The following CYP11A1 variants were observed in gnomAD, a reference collection of about 807,000 sequenced individuals.
The protein encoded by CYP11A1 is cholesterol side-chain cleavage enzyme, mitochondrial.
In CYP11A1, 25 loss-of-function variants were observed where a neutral mutation model predicts 51.9. That is an observed-to-expected ratio of 0.48 (90% CI 0.35 to 0.67). CYP11A1 has a LOEUF of 0.67. CYP11A1 is among the 30% of genes least tolerant of loss of function. CYP11A1 has a pLI of 0.00. For missense variants in CYP11A1, 578 were observed against 680.9 expected (o/e 0.85, Z 1.68); for synonymous variants, 245 against 262.1 (o/e 0.93, Z 0.63).
chr15:74,342,907 G>A lies in CYP11A1; in HGVS notation c.990+70C>T, dbSNP rs4640133. 107 of 1,523,356 alleles carry A rather than the reference G, an allele frequency of 7.0e-5. 1 individual carries two copies. In the South Asian group the frequency reaches 8.1e-4, roughly 11 times the overall value. The allele number at this position is 1,523,356 out of a possible 1,614,324, so 94.4% of individuals were successfully genotyped here. On this transcript the variant is annotated intron_variant, in intron 5 of 8. Coordinates refer to ENST00000268053, the MANE Select transcript of CYP11A1 (RefSeq NM_000781.3). ...CTTGAACAACAGGGTTTCAGACAACGAGGGGCCTGGTGGGGAAGGGGCACG... is the reference window on the plus strand; with the variant it reads ...CTTGAACAACAGGGTTTCAGACAACAAGGGGCCTGGTGGGGAAGGGGCACG...
intron 1 of CYP11A1, 143 bp downstream of exon 1, chr15:74,367,174 T>C (rs1459272368): frequency 1.5e-5 from 12 of 781,810 alleles, no homozygotes. Context: ...CTGTATTGTA[T>C]TACCAAAAAA....
chr15:74,339,869 C>T, intron 5 of CYP11A1, 116 bp from the exon 6 acceptor site: 1 of 979,442 alleles, frequency 1.0e-6, no homozygotes, highest in Non-Finnish European at 1.6e-6. Flanking sequence ...CCCCGAACCC[C>T]ATCCCAGTCT....
intron 5 of CYP11A1, among the ~76,000 whole-genome samples, chr15:74,342,544 C>T (rs539900452): frequency 1.2e-3 from 181 of 152,246 alleles, no homozygotes; most frequent in African/African-American, 4.2e-3. Context: ...CGGCAGAGCC[C>T]ACAGCAAATG....
intron 1 of CYP11A1, among the ~76,000 whole-genome samples, chr15:74,349,070 G>A (rs900294960): frequency 2.6e-5 from 4 of 152,134 alleles, no homozygotes; most frequent in African/African-American, 9.7e-5. Flanking sequence ...ATGAAGAGAT[G>A]AGGACACGGA....
At chr15:74,359,276 G>A (rs931177431) in intron 1 of CYP11A1, among the ~76,000 whole-genome samples, 4 of 152,080 alleles carry the variant, frequency 2.6e-5, no homozygotes, top group Non-Finnish European at 5.9e-5. Flanking sequence ...GCTTGAAGCA[G>A]CCCTGAGAAA....
At chr15:74,343,255 T>C (rs1451076702) in intron 4 of CYP11A1, 118 bp from the exon 5 acceptor site, 3 of 1,018,006 alleles carry the variant, frequency 2.9e-6, no homozygotes, top group East Asian at 4.9e-5. Context: ...CTGTGCTTCT[T>C]AGGCTGCCGT....
chr15:74,346,487 T>TG (rs758952417), intron 2 of CYP11A1, among the ~76,000 whole-genome samples: 53 of 152,272 alleles, frequency 3.5e-4, no homozygotes, highest in Non-Finnish European at 5.0e-4. Flanking sequence ...TCATTTTGAC[T>TG]GGTGTGTACC....
intron 3 of CYP11A1, among the ~76,000 whole-genome samples, chr15:74,344,579 T>G (rs1407770843): frequency 6.6e-6 from 1 of 152,208 alleles, no homozygotes; most frequent in Non-Finnish European, 1.5e-5. Context: ...TGTGGTTCCC[T>G]CTACCTATAC....
intron 6 of CYP11A1, 108 bp from the exon 7 acceptor site, chr15:74,339,423 G>A (rs1220392254): frequency 2.1e-6 from 3 of 1,408,694 alleles, no homozygotes; most frequent in Non-Finnish European, 3.0e-6. Flanking sequence ...AGCCTGGGGG[G>A]ACCTGGGGGT....
At chr15:74,339,360 A>C (rs759416343) in intron 6 of CYP11A1, 45 bp from the exon 7 acceptor site, 2 of 1,583,510 alleles carry the variant, frequency 1.3e-6, no homozygotes, top group South Asian at 2.2e-5. Flanking sequence ...CAAAGGCTGG[A>C]CACAGCCGCC....
intron 1 of CYP11A1, chr15:74,350,112 C>A: frequency 2.6e-6 from 1 of 382,122 alleles, no homozygotes; most frequent in Non-Finnish European, 5.2e-6. Context: ...GAAAGAATTC[C>A]TTGATATATT....
intron 1 of CYP11A1, among the ~76,000 whole-genome samples, chr15:74,357,738 C>G (rs1386346057): frequency 6.6e-6 from 1 of 152,208 alleles, no homozygotes; most frequent in African/African-American, 2.4e-5. Context: ...CCTTTCTATC[C>G]AAACAACTTG....
chr15:74,362,845 C>G (rs1470909164), intron 1 of CYP11A1: 4 of 152,174 alleles, frequency 2.6e-5, no homozygotes, highest in Non-Finnish European at 4.4e-5. Context: ...TTGCAGCCAG[C>G]CTTATACATG....
chr15:74,343,166 T>C, intron 4 of CYP11A1, 29 bp from the exon 5 acceptor site: 1 of 1,611,804 alleles, frequency 6.2e-7, no homozygotes, highest in South Asian at 1.1e-5. Context: ...GAAAAAAGAG[T>C]GAGGTTCCCT....
rs989907827 is a variant in CYP11A1 at position 74,362,024 on chromosome 15, G to C, written c.269+5293C>G. The stretch of plus-strand genomic sequence containing the variant: ...CAAGACCAGGAAGAAGATCACCATT[G>C]CTGACTGTGGACAACTCTAATAAGT... On this transcript the variant is annotated intron_variant, in intron 1 of 8. Transcript: ENST00000268053. 2.7e-6 allele frequency: 4 copies of C among 1,499,746 alleles called. No homozygotes were observed. In the African/African-American group the frequency reaches 5.5e-5, roughly 21 times the overall value. The allele number at this position is 1,499,746 out of a possible 1,614,324, so 92.9% of individuals were successfully genotyped here.
At position 74,357,719 on chromosome 15, in the gene CYP11A1, G is replaced by A. The variant is rs894639409; in HGVS notation, c.269+9598C>T. Among the ~76,000 whole-genome samples the A allele has an allele frequency of 5.9e-5, 9 of 152,282 alleles. No individual in the cohort carries two copies. In the South Asian group the frequency reaches 1.0e-3, roughly 18 times the overall value. On this transcript the variant is annotated intron_variant, in intron 1 of 8. Transcript: ENST00000268053. ...ATTCTTACACAAGAGCCAGGACCGC[G>A]CCCGGCAGCCTTTCTATCCAAACAA...
intron 3 of CYP11A1, among the ~76,000 whole-genome samples, chr15:74,344,463 C>T (rs1420081519): frequency 1.3e-5 from 2 of 152,260 alleles, no homozygotes; most frequent in Admixed American, 6.5e-5. Context: ...GTTTTCCCCA[C>T]CTACCAGGTG....
intron 6 of CYP11A1, 122 bp downstream of exon 6, chr15:74,339,465 A>G: frequency 1.4e-6 from 2 of 1,459,064 alleles, no homozygotes; most frequent in Non-Finnish European, 1.9e-6. Context: ...TCTCCTCCAG[A>G]CTTTTCACTT....
chr15:74,342,955 G>GC, intron 5 of CYP11A1, 22 bp downstream of exon 5: 3 of 1,611,828 alleles, frequency 1.9e-6, no homozygotes, highest in Non-Finnish European at 2.5e-6. Context: ...GCAACAAGGT[G>GC]CCGCCCCTAC....
Sources: gnomAD v4.1 joint callset for allele counts (sites outside exome capture counted in the v4.1 genomes callset) on GRCh38, gnomAD v4.1.1 for gene constraint, MANE v1.5 for transcripts, NCBI Gene and HGNC (gene_info 2026-07-23, HGNC 2026-07-21) for gene names.